ANKRD6: variants seen among roughly 807,000 people sequenced by gnomAD.
The protein encoded by ANKRD6 is ankyrin repeat domain 6.
In ANKRD6, 56 loss-of-function variants were observed where a neutral mutation model predicts 82.3. The observed-to-expected ratio is 0.68, with a 90% CI of 0.55 to 0.85. The LOEUF (loss-of-function observed/expected upper bound fraction) is 0.85. ANKRD6 is among the 40% of genes least tolerant of loss of function. The pLI is 0.00. For missense variants in ANKRD6, 852 were observed against 907.6 expected, an observed-to-expected ratio of 0.94 and a Z score of 0.79; for synonymous variants, 347 against 352.1, an observed-to-expected ratio of 0.99 and a Z score of 0.16.
intron 1 of ANKRD6, among the ~76,000 whole-genome samples, chr6:89,506,946 T>C (rs1204010735): frequency 3.3e-5 from 5 of 152,230 alleles, no homozygotes; most frequent in African/African-American, 1.2e-4. Flanking sequence ...TCTTCTTCCA[T>C]GTGTTGGCAT....
chr6:89,596,692 G>T (rs1194333877), intron 3 of ANKRD6, among the ~76,000 whole-genome samples: 1 of 152,208 alleles, frequency 6.6e-6, no homozygotes, highest in Admixed American at 6.5e-5. Flanking sequence ...CCAATCCTGA[G>T]TGAGTCAGCA....
rs79619827 is a variant in ANKRD6, at chr6:89,454,431, A to G, written c.-144+21056A>G. On this transcript the variant is annotated intron_variant, in intron 1 of 15. Coordinates refer to ENST00000339746, the MANE Select transcript of ANKRD6 (RefSeq NM_001242809.2). Reference sequence around the variant, plus strand: ...TTTATCCCTGGGAGATCAGGAAGCAACACAGATACTTGGTTTGCTCTCTGT... The same window carrying G: ...TTTATCCCTGGGAGATCAGGAAGCAGCACAGATACTTGGTTTGCTCTCTGT... Among the ~76,000 whole-genome samples the G allele has an allele frequency of 2.3e-3, 348 of 152,324 alleles. 1 individual carries two copies. Among genetic ancestry groups the G allele is most frequent in the African/African-American group, 8.0e-3 (331 of 41,564 alleles).
At chr6:89,458,534 C>G (rs1773741781) in intron 1 of ANKRD6, among the ~76,000 whole-genome samples, 1 of 152,140 alleles carries the variant, frequency 6.6e-6, no homozygotes, top group Non-Finnish European at 1.5e-5. Context: ...TGGTGTAAGT[C>G]CAAGAGTCCA....
intron 1 of ANKRD6, among the ~76,000 whole-genome samples, chr6:89,437,647 G>C (rs1477044012): frequency 3.3e-5 from 5 of 152,110 alleles, no homozygotes; most frequent in Non-Finnish European, 1.5e-5. Context: ...TGTTCCAAAT[G>C]TATTCTAAAT....
intron 2 of ANKRD6, among the ~76,000 whole-genome samples, chr6:89,594,043 G>A (rs1386677044): frequency 6.6e-6 from 1 of 152,164 alleles, no homozygotes; most frequent in African/African-American, 2.4e-5. Flanking sequence ...TAGCCTGGGT[G>A]CCCATCAGGA....
intron 5 of ANKRD6, among the ~76,000 whole-genome samples, chr6:89,607,130 A>G (rs1033908974): frequency 3.3e-5 from 5 of 150,968 alleles, no homozygotes; most frequent in Non-Finnish European, 5.9e-5. Context: ...AGTTCGTGCC[A>G]CTGTACTCCA....
chr6:89,472,891 A>C (rs2127790989), intron 1 of ANKRD6, among the ~76,000 whole-genome samples: 1 of 152,210 alleles, frequency 6.6e-6, no homozygotes, highest in South Asian at 2.1e-4. Context: ...CACTGTCCGC[A>C]TGGTCACTGT....
At position 89,632,369 on chromosome 6, in the gene ANKRD6, A is replaced by AAAT. The variant is rs1807576245; in HGVS notation, c.*1369_*1371dup. 1 of 3,982 alleles carries AAAT rather than the reference A, an allele frequency of 2.5e-4. No individual in the cohort carries two copies. Among genetic ancestry groups the AAAT allele is most frequent in the African/African-American group, 6.9e-4 (1 of 1,446 alleles). The allele number at this position is 3,982 out of a possible 1,614,324, so 0.2% of individuals were successfully genotyped here. A position where few individuals can be genotyped will look rare whatever the true frequency, so the allele number is the denominator to read the frequency against. ...ATAGATATAGACATTCCTAAAAGAA[A>AAAT]AATAATTCAGTAGATATATGTCACT... On this transcript the variant is annotated 3_prime_UTR_variant, in exon 16 of 16. Transcript: ENST00000339746.
At chr6:89,435,582 G>A (rs1239569096) in intron 1 of ANKRD6, among the ~76,000 whole-genome samples, 1 of 152,166 alleles carries the variant, frequency 6.6e-6, no homozygotes, top group Admixed American at 6.6e-5. Flanking sequence ...AAAGTCGGGG[G>A]ATCTTTTAGT....
intron 1 of ANKRD6, among the ~76,000 whole-genome samples, chr6:89,547,419 T>A (rs1181587457): frequency 6.6e-6 from 1 of 152,150 alleles, no homozygotes; most frequent in Admixed American, 6.5e-5. Context: ...TGCCCATGAC[T>A]GAGGACAAAG....
chr6:89,499,978 C>T (rs1225816828), intron 1 of ANKRD6, among the ~76,000 whole-genome samples: 4 of 152,268 alleles, frequency 2.6e-5, no homozygotes, highest in African/African-American at 9.6e-5. Flanking sequence ...TCTATAAAAT[C>T]GTACTCTGAA....
intron 2 of ANKRD6, among the ~76,000 whole-genome samples, chr6:89,581,927 A>G (rs1319265336): frequency 2.0e-5 from 3 of 152,188 alleles, no homozygotes; most frequent in African/African-American, 4.8e-5. Context: ...CAAACAGGGC[A>G]TTGAGGGTAT....
intron 14 of ANKRD6, 113 bp downstream of exon 14, chr6:89,627,809 C>T: frequency 2.6e-6 from 2 of 775,136 alleles, no homozygotes; most frequent in Non-Finnish European, 4.2e-6. Flanking sequence ...AGAGCTTTTA[C>T]ATTATATAGT....
chr6:89,472,751 A>G (rs1241842709), intron 1 of ANKRD6, among the ~76,000 whole-genome samples: 1 of 152,116 alleles, frequency 6.6e-6, no homozygotes, highest in Admixed American at 6.5e-5. Flanking sequence ...GGCCCTGTGA[A>G]CTGGAGCTCA....
At chr6:89,629,052 G>A (rs1466750408) in intron 14 of ANKRD6, 60 bp from the exon 15 acceptor site, 2 of 1,536,718 alleles carry the variant, frequency 1.3e-6, no homozygotes, top group East Asian at 2.3e-5. Context: ...CATAAACCAT[G>A]TATCAAATTC....
chr6:89,605,256 T>C (rs944205096), intron 4 of ANKRD6, among the ~76,000 whole-genome samples: 1 of 152,088 alleles, frequency 6.6e-6, no homozygotes, highest in African/African-American at 2.4e-5. Context: ...GTGGTGCATG[T>C]CTGTAATTCC....
At chr6:89,484,645 A>G (rs923999041) in intron 1 of ANKRD6, among the ~76,000 whole-genome samples, 21 of 152,208 alleles carry the variant, frequency 1.4e-4, no homozygotes, top group Admixed American at 8.5e-4. Flanking sequence ...GTGCATCCTT[A>G]AGCCTTGAAT....
At chr6:89,567,398 A>C (rs1214681632) in intron 2 of ANKRD6, among the ~76,000 whole-genome samples, 2 of 152,164 alleles carry the variant, frequency 1.3e-5, no homozygotes, top group Non-Finnish European at 2.9e-5. Context: ...TACTGGACAG[A>C]GTGTGCGATA....
chr6:89,524,213 G>T (rs1782196833), intron 1 of ANKRD6, among the ~76,000 whole-genome samples: 1 of 151,948 alleles, frequency 6.6e-6, no homozygotes, highest in Non-Finnish European at 1.5e-5. Flanking sequence ...ACATGGATAA[G>T]TTCTTTGGTG....
Sources: allele counts gnomAD v4.1 joint callset (sites outside exome capture counted in the v4.1 genomes callset), GRCh38; gene constraint gnomAD v4.1.1; transcripts MANE v1.5; gene names NCBI Gene and HGNC (gene_info 2026-07-23, HGNC 2026-07-21).